Variants in MAD1L1 observed in about 807,000 individuals in gnomAD.
MAD1L1 encodes the protein mitotic spindle assembly checkpoint protein MAD1.
In MAD1L1, 95 loss-of-function variants were observed where a neutral mutation model predicts 96.9. The ratio of observed to expected loss-of-function variants is 0.98; its 90% CI spans 0.83 to 1.16. The LOEUF (loss-of-function observed/expected upper bound fraction) is 1.16. Ranked by LOEUF, MAD1L1 falls within the 50% of genes most tolerant of loss-of-function variation. The probability of loss-of-function intolerance (pLI) is 0.00; values close to 1 mark genes in which losing one functional copy is unlikely to be tolerated. For missense variants in MAD1L1, 1,007 were observed against 954.4 expected (o/e 1.06, Z -0.73); for synonymous variants, 473 against 396.6 (o/e 1.19, Z -2.29).
intron 13 of MAD1L1, among the ~76,000 whole-genome samples, chr7:2,009,878 G>A (rs546600157): frequency 8.9e-4 from 135 of 152,246 alleles, no homozygotes; most frequent in African/African-American, 1.8e-3. Context: ...GGGTGGCACC[G>A]GCGTGTCACG....
intron 18 of MAD1L1, among the ~76,000 whole-genome samples, chr7:1,885,854 G>A (rs966057431): frequency 1.1e-4 from 17 of 152,354 alleles, no homozygotes; most frequent in African/African-American, 4.1e-4. Flanking sequence ...CCTCAGGAAA[G>A]GAATGAGGAA....
chr7:1,887,871 G>GA (rs1786210737), intron 18 of MAD1L1, among the ~76,000 whole-genome samples: 1 of 147,388 alleles, frequency 6.8e-6, no homozygotes, highest in Non-Finnish European at 1.5e-5. Context: ...ACGTGTGTGT[G>GA]CAAGCATGCG....
chr7:2,140,167 C>T (rs1788958720), intron 11 of MAD1L1, among the ~76,000 whole-genome samples: 1 of 152,230 alleles, frequency 6.6e-6, no homozygotes. Flanking sequence ...AGACGCCTCT[C>T]CCAAGGCCTC....
intron 14 of MAD1L1, among the ~76,000 whole-genome samples, chr7:1,984,026 T>A (rs559481209): frequency 3.3e-5 from 5 of 152,246 alleles, no homozygotes; most frequent in African/African-American, 1.2e-4. Flanking sequence ...TTAATCCATA[T>A]ATTTACATGC....
At chr7:2,190,107 C>T (rs1791647785) in intron 10 of MAD1L1, among the ~76,000 whole-genome samples, 1 of 152,196 alleles carries the variant, frequency 6.6e-6, no homozygotes, top group Non-Finnish European at 1.5e-5. Context: ...ATAGCCAAGA[C>T]AATTCTTACA....
chr7:2,123,992 A>G (rs753780444), intron 11 of MAD1L1, among the ~76,000 whole-genome samples: 2 of 152,236 alleles, frequency 1.3e-5, no homozygotes, highest in Non-Finnish European at 2.9e-5. Flanking sequence ...CCCGGGGGCA[A>G]GAACTCTGCT....
chr7:2,130,394 C>T (rs909404612), intron 11 of MAD1L1, among the ~76,000 whole-genome samples: 1 of 152,232 alleles, frequency 6.6e-6, no homozygotes, highest in Non-Finnish European at 1.5e-5. Flanking sequence ...CAGGGGCACA[C>T]CAGATGAACA....
chr7:2,109,872 G>A (rs569047012), intron 11 of MAD1L1, among the ~76,000 whole-genome samples: 11 of 152,318 alleles, frequency 7.2e-5, no homozygotes, highest in South Asian at 2.1e-4. Context: ...CTTTGAATCC[G>A]TTTGGGTACT....
At chr7:1,860,926 C>A (rs1365381534) in intron 18 of MAD1L1, among the ~76,000 whole-genome samples, 1 of 152,222 alleles carries the variant, frequency 6.6e-6, no homozygotes, top group African/African-American at 2.4e-5. Context: ...GCCGTCAAAT[C>A]TCCCACCCAG....
intron 12 of MAD1L1, among the ~76,000 whole-genome samples, chr7:2,032,785 C>T (rs1470119842): frequency 3.3e-5 from 5 of 152,226 alleles, no homozygotes; most frequent in Admixed American, 3.3e-4. Context: ...GTGGCGCCGG[C>T]CTGCTCTCCC....
intron 11 of MAD1L1, among the ~76,000 whole-genome samples, chr7:2,122,729 C>T (rs1562708301): frequency 6.6e-6 from 1 of 152,206 alleles, no homozygotes; most frequent in Non-Finnish European, 1.5e-5. Flanking sequence ...GCAAGTCAGC[C>T]CCAGTGCCAG....
intron 17 of MAD1L1, among the ~76,000 whole-genome samples, chr7:1,926,856 G>C (rs10950448): frequency 0.3 from 45,866 of 152,124 alleles, 8,255 homozygotes; most frequent in East Asian, 0.47. Flanking sequence ...CTCCTACTCA[G>C]CACCATACTA....
chr7:2,070,715 G>C (rs1785084168), intron 11 of MAD1L1, among the ~76,000 whole-genome samples: 1 of 152,230 alleles, frequency 6.6e-6, no homozygotes, highest in South Asian at 2.1e-4. Context: ...CTGGGATAGA[G>C]AAAAGCTAAC....
At chr7:1,875,945 G>A (rs894738877) in intron 18 of MAD1L1, among the ~76,000 whole-genome samples, 2 of 152,224 alleles carry the variant, frequency 1.3e-5, no homozygotes, top group Non-Finnish European at 2.9e-5. Flanking sequence ...GGTCACACAG[G>A]AATACAAGGG....
chr7:1,902,704 G>A (rs1787322943), intron 17 of MAD1L1, among the ~76,000 whole-genome samples: 1 of 152,248 alleles, frequency 6.6e-6, no homozygotes, highest in Non-Finnish European at 1.5e-5. Flanking sequence ...CAGCCTCGCT[G>A]TACGTCCTGC....
chr7:2,009,497 C>T (rs1782194128), intron 13 of MAD1L1, among the ~76,000 whole-genome samples: 1 of 152,198 alleles, frequency 6.6e-6, no homozygotes, highest in South Asian at 2.1e-4. Context: ...GCTTGTGACA[C>T]AACGTGAAGA....
chr7:2,021,060 A>G lies in MAD1L1; in HGVS notation c.1219-6418T>C, dbSNP rs1315990492. ...CTGAGGAAAAAGCAATGAAAACAAA[A>G]GAAGAGGCGACCTAAGAACAGTGGG... On this transcript the variant is annotated intron_variant, in intron 12 of 18. Transcript: ENST00000265854. 2.0e-5 allele frequency among the ~76,000 whole-genome samples: 3 copies of G among 152,228 alleles called. No homozygotes were observed. In the East Asian group the frequency reaches 5.8e-4, roughly 29 times the overall value.
chr7:1,854,606 G>C (rs114815289), intron 18 of MAD1L1, among the ~76,000 whole-genome samples: 1 of 152,058 alleles, frequency 6.6e-6, no homozygotes, highest in Admixed American at 6.5e-5. Context: ...AGCACCTCCC[G>C]AAGACCCCGC....
chr7:1,892,703 A>C (rs1786623787), intron 18 of MAD1L1, among the ~76,000 whole-genome samples: 1 of 152,112 alleles, frequency 6.6e-6, no homozygotes, highest in African/African-American at 2.4e-5. Flanking sequence ...CGACATCGCC[A>C]CATGTTTGTG....
Sources: gnomAD v4.1 joint callset for allele counts (sites outside exome capture counted in the v4.1 genomes callset) on GRCh38, gnomAD v4.1.1 for gene constraint, MANE v1.5 for transcripts, NCBI Gene and HGNC (gene_info 2026-07-23, HGNC 2026-07-21) for gene names.